PCDH9: variants seen among roughly 807,000 people sequenced by gnomAD.
The protein encoded by PCDH9 is protocadherin 9, also known as protocadherin-9.
A neutral mutation model predicts 70.6 loss-of-function variants in PCDH9; 24 were observed. The ratio of observed to expected loss-of-function variants is 0.34; its 90% CI spans 0.25 to 0.48. The LOEUF is 0.48. Among genes scored for constraint, PCDH9 ranks in the 20% least tolerant of loss-of-function variants. The pLI, the probability that PCDH9 is intolerant of heterozygous loss-of-function variation, is 0.99. For missense variants in PCDH9, 1,281 were observed against 1,503.6 expected, an observed-to-expected ratio of 0.85 and a Z score of 2.45; for synonymous variants, 562 against 558.5, an observed-to-expected ratio of 1.01 and a Z score of -0.09.
At chr13:66,776,316 T>C (rs931619346) in intron 3 of PCDH9, among the ~76,000 whole-genome samples, 1 of 150,324 alleles carries the variant, frequency 6.7e-6, no homozygotes, top group East Asian at 2.0e-4. Flanking sequence ...GGGTATTCAA[T>C]TAGGAAAAGA....
intron 2 of PCDH9, among the ~76,000 whole-genome samples, chr13:66,957,999 T>C (rs1008358428): frequency 2.1e-4 from 32 of 152,162 alleles, no homozygotes; most frequent in African/African-American, 7.5e-4. Context: ...ATGAAGGTAT[T>C]TGGTTTATTT....
chr13:66,972,908 CT>C (rs940983019), intron 2 of PCDH9, among the ~76,000 whole-genome samples: 1 of 151,998 alleles, frequency 6.6e-6, no homozygotes, highest in Non-Finnish European at 1.5e-5. Flanking sequence ...TGACTAGTCA[CT>C]TTCTTTTCTT....
chr13:66,610,881 G>C (rs1818399088), intron 4 of PCDH9, among the ~76,000 whole-genome samples: 2 of 152,040 alleles, frequency 1.3e-5, no homozygotes, highest in South Asian at 2.1e-4. Flanking sequence ...CTCTACATCT[G>C]TTTTTGGTCT....
chr13:66,779,864 T>TATATATAC (rs1437758789), intron 3 of PCDH9, among the ~76,000 whole-genome samples: 1 of 70,856 alleles, frequency 1.4e-5, no homozygotes, highest in African/African-American at 4.8e-5. Context: ...TATATATATA[T>TATATATAC]ATACATATAT....
chr13:66,749,241 A>G (rs2079420359), intron 3 of PCDH9, among the ~76,000 whole-genome samples: 1 of 152,202 alleles, frequency 6.6e-6, no homozygotes, highest in Non-Finnish European at 1.5e-5. Flanking sequence ...GGAGCACTCT[A>G]GCAACCTCTG....
In PCDH9 at chr13:66,417,071, GA is replaced by G. The variant is rs552428643; in HGVS notation, c.3341-112044del. ...CTTTAAGTTCTGGGATACATGTGCA[GA>G]ACATGCAGGTTTGTTACATAGGTGT... On this transcript the variant is annotated intron_variant, in intron 4 of 4. Transcript: ENST00000377865. Among the ~76,000 whole-genome samples the G allele has an allele frequency of 1.2e-4, 19 of 152,234 alleles. No homozygotes were observed. In the East Asian group the frequency reaches 3.3e-3, roughly 26 times the overall value.
At chr13:66,513,010 G>T (rs1408922101) in intron 4 of PCDH9, among the ~76,000 whole-genome samples, 1 of 151,830 alleles carries the variant, frequency 6.6e-6, no homozygotes, top group Non-Finnish European at 1.5e-5. Flanking sequence ...GTAGAGATGG[G>T]GTTTTGCCAT....
intron 4 of PCDH9, among the ~76,000 whole-genome samples, chr13:66,509,094 G>C (rs994124152): frequency 6.6e-6 from 1 of 152,084 alleles, no homozygotes; most frequent in Non-Finnish European, 1.5e-5. Flanking sequence ...TGATTCTCAC[G>C]GGCATACACT....
intron 4 of PCDH9, among the ~76,000 whole-genome samples, chr13:66,482,362 C>A (rs773087565): frequency 1.6e-4 from 24 of 152,118 alleles, no homozygotes; most frequent in Non-Finnish European, 2.8e-4. Context: ...CTGAAAGCAG[C>A]CTTAGCCACT....
intron 4 of PCDH9, 46 bp downstream of exon 4, chr13:66,631,164 A>C: frequency 2.0e-6 from 2 of 988,474 alleles, no homozygotes; most frequent in Non-Finnish European, 3.3e-6. Flanking sequence ...AGTGCACTAC[A>C]AAACCAGAAC....
chr13:67,223,891 T>C (rs988658732), intron 2 of PCDH9: 3 of 152,188 alleles, frequency 2.0e-5, no homozygotes, highest in Admixed American at 1.3e-4. Context: ...TATGGTAATA[T>C]GTATTATACT....
chr13:66,646,925 T>C (rs1466768175), intron 3 of PCDH9, among the ~76,000 whole-genome samples: 4 of 152,126 alleles, frequency 2.6e-5, no homozygotes, highest in African/African-American at 9.7e-5. Flanking sequence ...TGTGAGACTT[T>C]GCATTGGAAC....
At chr13:67,104,104 G>C (rs2086487977) in intron 2 of PCDH9, among the ~76,000 whole-genome samples, 1 of 152,066 alleles carries the variant, frequency 6.6e-6, no homozygotes, top group Admixed American at 6.5e-5. Flanking sequence ...AATAGGCATG[G>C]AGTTCATGAG....
chr13:66,871,410 A>G (rs1172798918), intron 3 of PCDH9, among the ~76,000 whole-genome samples: 1 of 137,716 alleles, frequency 7.3e-6, no homozygotes, highest in South Asian at 2.3e-4. Context: ...ATAAAAATAA[A>G]AATAAAAAAT....
At chr13:66,378,268 A>C (rs966051829) in intron 4 of PCDH9, among the ~76,000 whole-genome samples, 2 of 152,210 alleles carry the variant, frequency 1.3e-5, no homozygotes, top group Admixed American at 1.3e-4. Context: ...ATTTTATACC[A>C]GCTTGCCCAA....
chr13:66,898,937 T>C (rs904549304), intron 3 of PCDH9, among the ~76,000 whole-genome samples: 1 of 151,940 alleles, frequency 6.6e-6, no homozygotes, highest in African/African-American at 2.4e-5. Flanking sequence ...TAACTTTATC[T>C]TAATGTGGAG....
intron 2 of PCDH9, among the ~76,000 whole-genome samples, chr13:67,068,633 C>T (rs1374220813): frequency 6.6e-6 from 1 of 152,136 alleles, no homozygotes; most frequent in Non-Finnish European, 1.5e-5. Flanking sequence ...AGAGCACATG[C>T]GTTTGATCCC....
intron 3 of PCDH9, among the ~76,000 whole-genome samples, chr13:66,781,502 T>C (rs4591020): frequency 0.5 from 76,732 of 152,110 alleles, 21,645 homozygotes; most frequent in Middle Eastern, 0.65. Flanking sequence ...TTATAATTAG[T>C]AGAGGCTTGG....
At chr13:67,209,800 C>A (rs1288557534) in intron 2 of PCDH9, 2 of 151,970 alleles carry the variant, frequency 1.3e-5, no homozygotes, top group Non-Finnish European at 2.9e-5. Flanking sequence ...GGTATTTCAT[C>A]TAATTAATGT....
Sources: gnomAD v4.1 joint callset for allele counts (sites outside exome capture counted in the v4.1 genomes callset) on GRCh38, gnomAD v4.1.1 for gene constraint, MANE v1.5 for transcripts, NCBI Gene and HGNC (gene_info 2026-07-23, HGNC 2026-07-21) for gene names.